KIF3A: variants seen among roughly 807,000 people sequenced by gnomAD.
The protein encoded by KIF3A is kinesin family member 3A, also known as kinesin-like protein KIF3A.
A neutral mutation model predicts 92.6 loss-of-function variants in KIF3A; 27 were observed. The observed-to-expected ratio is 0.29, with a 90% CI of 0.21 to 0.40. KIF3A has a LOEUF of 0.40. Ranked by LOEUF, KIF3A falls within the 10% of genes least tolerant of loss-of-function variation. The pLI is 1.00. For missense variants in KIF3A, 581 were observed against 872.6 expected (o/e 0.67, Z 4.21); for synonymous variants, 250 against 275.4 (o/e 0.91, Z 0.92).
chr5:132,699,719 C>T lies in KIF3A; in HGVS notation c.2008-424G>A, dbSNP rs544880835. On this transcript the variant is annotated intron_variant, in intron 17 of 18. Transcript: ENST00000403231. ...GACTACAGGCACCCGCCACCACGCC[C>T]GGCTAATTTTTTTTGTATTTTTTTA... The T allele has an allele frequency of 3.9e-4, 132 of 340,952 alleles. 1 individual carries two copies. Among genetic ancestry groups the T allele is most frequent in the African/African-American group, 2.4e-3 (111 of 45,760 alleles). 21.1% of individuals were successfully genotyped at this position (340,952 alleles called of 1,614,324 possible). A position where few individuals can be genotyped will look rare whatever the true frequency, so the allele number is the denominator to read the frequency against.
In KIF3A at chr5:132,714,853, C is replaced by T. The variant is rs377544878; in HGVS notation, c.1129+904G>A. 1.3e-4 allele frequency among the ~76,000 whole-genome samples: 20 copies of T among 152,238 alleles called. No individual in the cohort carries two copies. In the South Asian group the frequency reaches 3.7e-3, roughly 28 times the overall value. On this transcript the variant is annotated intron_variant, in intron 8 of 18. Transcript: ENST00000403231. ...CAGCAAAATAAAAGTATGCACTCAC[C>T]GTTAACATCGCTAAGAAATTAAAAA...
At chr5:132,737,351 C>T (rs1292449151) in intron 1 of KIF3A, 63 bp downstream of exon 1, 8 of 1,559,278 alleles carry the variant, frequency 5.1e-6, no homozygotes, top group South Asian at 3.5e-5. Flanking sequence ...TGGCAACGGC[C>T]GCGCCCCCGG....
At chr5:132,729,983 C>T (rs1188375555) in intron 2 of KIF3A, among the ~76,000 whole-genome samples, 1 of 152,050 alleles carries the variant, frequency 6.6e-6, no homozygotes, top group Non-Finnish European at 1.5e-5. Flanking sequence ...AGATAAACCT[C>T]TAGTCAGACT....
At chr5:132,706,511 A>T in intron 10 of KIF3A, 52 bp from the exon 11 acceptor site, 1 of 1,468,176 alleles carries the variant, frequency 6.8e-7, no homozygotes, top group African/African-American at 1.4e-5. Flanking sequence ...ATACGCACAG[A>T]GATGAGGAGG....
chr5:132,727,772 G>A (rs940900261), intron 2 of KIF3A, among the ~76,000 whole-genome samples: 2 of 152,170 alleles, frequency 1.3e-5, no homozygotes, highest in East Asian at 3.8e-4. Context: ...GGTCGATGTG[G>A]GGAAACAGAG....
chr5:132,699,713 C>T (rs1432240984), intron 17 of KIF3A: 2 of 344,608 alleles, frequency 5.8e-6, no homozygotes, highest in Non-Finnish European at 1.1e-5. Context: ...CACCCGCCAC[C>T]ACGCCCGGCT....
Position 132,702,108 on chromosome 5 carries a change from G to A in KIF3A, c.1863C>T (p.Asn621=). The A allele has an allele frequency of 6.2e-7, 1 of 1,613,176 alleles. No individual in the cohort carries two copies. Residue 621 remains asparagine (N), a synonymous_variant, in exon 15 of 19, where the codon AAC becomes AAT. Transcript: ENST00000403231. ...TTACCTGATAATCCCGAGGTATAAA[G>A]TTATCAATAATAAGCATCTGAAGTC... ...ELRLQMLIID[N]FIPRDYQEMI... is the part of the protein sequence containing the mutation.
intron 4 of KIF3A, chr5:132,721,527 A>G (rs1466613812): frequency 6.6e-6 from 1 of 152,312 alleles, no homozygotes; most frequent in Admixed American, 6.5e-5. Context: ...ATCGAAGACA[A>G]ATGAAAATCT....
intron 18 of KIF3A, 42 bp downstream of exon 18, chr5:132,699,129 C>T: frequency 6.3e-7 from 1 of 1,585,364 alleles, no homozygotes; most frequent in Non-Finnish European, 8.7e-7. Flanking sequence ...AATTAGAATA[C>T]CTCAATGCCT....
rs1368093618 is a variant in KIF3A at position 132,711,638 on chromosome 5, AAT to A, written c.1130-583_1130-582del. Among the ~76,000 whole-genome samples, 2 of 152,062 alleles carry A rather than the reference AAT, an allele frequency of 1.3e-5. 1 individual carries two copies. Among genetic ancestry groups the A allele is most frequent in the Non-Finnish European group, 2.9e-5 (2 of 67,986 alleles). Reference sequence around the variant, plus strand: ...AATCATTTCTTTATGTATAATTTTAAATATATATATAAATTATGTGGTAGAGT... The same window carrying A: ...AATCATTTCTTTATGTATAATTTTAAATATATATAAATTATGTGGTAGAGT... On this transcript the variant is annotated intron_variant, in intron 8 of 18. Coordinates refer to ENST00000403231, the MANE Select transcript of KIF3A (RefSeq NM_001300791.2).
chr5:132,703,082 G>C lies in KIF3A; in HGVS notation c.1467-17C>G. 6.3e-7 allele frequency: 1 copy of C among 1,581,300 alleles called. No individual in the cohort carries two copies. The highest frequency in any genetic ancestry group is 8.6e-7 in the Non-Finnish European group (1 of 1,164,076). On this transcript the variant is annotated splice_polypyrimidine_tract_variant and intron_variant, in intron 12 of 18. Transcript: ENST00000403231. The stretch of plus-strand genomic sequence containing the variant: ...TGCTCTTGTCTGTTGATTAGAATGA[G>C]AATACTCTATATTCACTGATGATCT...
At chr5:132,706,848 A>G (rs1429582094) in intron 10 of KIF3A, among the ~76,000 whole-genome samples, 2 of 152,206 alleles carry the variant, frequency 1.3e-5, no homozygotes, top group Admixed American at 1.3e-4. Context: ...AAAAGGGCAA[A>G]ACAGAAAATT....
chr5:132,708,903 T>C lies in KIF3A; in HGVS notation c.1300+4A>G. On this transcript the variant is annotated splice_donor_region_variant and intron_variant, in intron 10 of 18. Coordinates refer to ENST00000403231, the MANE Select transcript of KIF3A (RefSeq NM_001300791.2). ...TGTTAGAGAATGTAAGAGCTACCAC[T>C]CACTAGGCAAGAACTTATCCAGAGG... The C allele has an allele frequency of 2.6e-6, 4 of 1,545,620 alleles. No homozygotes were observed. The highest frequency in any genetic ancestry group is 1.2e-5 in the South Asian group (1 of 83,938).
rs756540926 is a variant in KIF3A at position 132,724,792 on chromosome 5, T to TA, written c.510+1335dup. Reference sequence around the variant, plus strand: ...ATGTACCCTAGAACTTAAAGTATAATAAAAAAAAAAAAAAATATATATATA... The same window carrying TA: ...ATGTACCCTAGAACTTAAAGTATAATAAAAAAAAAAAAAAAATATATATATA... On this transcript the variant is annotated intron_variant, in intron 4 of 18. Coordinates refer to ENST00000403231, the MANE Select transcript of KIF3A (RefSeq NM_001300791.2). 2.8e-3 allele frequency among the ~76,000 whole-genome samples: 177 copies of TA among 64,272 alleles called. 2 individuals are homozygous for TA. The highest frequency in any genetic ancestry group is 6.2e-3 in the South Asian group (14 of 2,242). 42.2% of individuals were successfully genotyped at this position (64,272 alleles called of 152,430 possible). A position where few individuals can be genotyped will look rare whatever the true frequency, so the allele number is the denominator to read the frequency against.
At chr5:132,734,946 T>C (rs1449813262) in intron 1 of KIF3A, among the ~76,000 whole-genome samples, 3 of 152,234 alleles carry the variant, frequency 2.0e-5, no homozygotes, top group African/African-American at 7.2e-5. Flanking sequence ...TATCCATATA[T>C]GGCTTATCTT....
chr5:132,691,154 TCATAGAATA>T (rs923324605), downstream of KIF3A, among the ~76,000 whole-genome samples: 1 of 152,234 alleles, frequency 6.6e-6, no homozygotes, highest in African/African-American at 2.4e-5. Context: ...ATGGTACCTT[TCATAGAATA>T]CATTCTACAT....
At chr5:132,699,576 T>TGA in intron 17 of KIF3A, 1 of 468,932 alleles carries the variant, frequency 2.1e-6, no homozygotes, top group Middle Eastern at 3.5e-4. Context: ...TTTTTTTTTT[T>TGA]GAGACGGAGT....
chr5:132,710,713 G>A (rs1471303641), intron 9 of KIF3A, among the ~76,000 whole-genome samples: 3 of 152,082 alleles, frequency 2.0e-5, no homozygotes, highest in Non-Finnish European at 2.9e-5. Flanking sequence ...TTTTAAAATG[G>A]CATACCCAGT....
At chr5:132,718,172 T>C (rs1248880456) in intron 5 of KIF3A, among the ~76,000 whole-genome samples, 1 of 152,164 alleles carries the variant, frequency 6.6e-6, no homozygotes, top group Non-Finnish European at 1.5e-5. Flanking sequence ...AAATATATGG[T>C]TTAACAATTT....
Sources: allele counts gnomAD v4.1 joint callset (sites outside exome capture counted in the v4.1 genomes callset), GRCh38; gene constraint gnomAD v4.1.1; transcripts MANE v1.5; gene names NCBI Gene and HGNC (gene_info 2026-07-23, HGNC 2026-07-21).